Variants in MCM3AP observed in about 807,000 individuals in gnomAD.
The protein encoded by MCM3AP is minichromosome maintenance complex component 3 associated protein.
MCM3AP carries 126 observed loss-of-function variants against 184.1 expected under a neutral mutation model. That is an observed-to-expected ratio of 0.68 (90% CI 0.59 to 0.79). The LOEUF (loss-of-function observed/expected upper bound fraction) is 0.79, where lower values mean the gene tolerates loss of function less well. MCM3AP is among the 30% of genes least tolerant of loss of function. The pLI, the probability that MCM3AP is intolerant of heterozygous loss-of-function variation, is 0.00. For missense variants in MCM3AP, 2,496 were observed against 2,479.2 expected (o/e 1.01, Z -0.14); for synonymous variants, 1,002 against 979.3 (o/e 1.02, Z -0.43).
intron 16 of MCM3AP, among the ~76,000 whole-genome samples, chr21:46,258,737 A>ATGTG (rs55695472): frequency 6.7e-5 from 10 of 150,086 alleles, no homozygotes; most frequent in Admixed American, 2.0e-4. Context: ...CTTATATTGT[A>ATGTG]TGTGTGTGTG....
chr21:46,274,549 T>C (rs887205798), intron 6 of MCM3AP, among the ~76,000 whole-genome samples: 3 of 152,184 alleles, frequency 2.0e-5, no homozygotes, highest in African/African-American at 7.2e-5. Context: ...GACATAATTT[T>C]AAGTGGAAAA....
In MCM3AP at chr21:46,285,451, G is replaced by T. The variant is rs1218496328; in HGVS notation, c.-165C>A. 2 of 600,026 alleles carry T rather than the reference G, an allele frequency of 3.3e-6. No homozygotes were observed. Among genetic ancestry groups the T allele is most frequent in the South Asian group, 2.1e-5 (1 of 48,670 alleles). 37.2% of individuals were successfully genotyped at this position (600,026 alleles called of 1,614,324 possible). ...ATGTTCTGCTACAAGTCTAAGAAAAGAATTTTTGAACACTGTCATACTAAA... is the reference window on the plus strand; with the variant it reads ...ATGTTCTGCTACAAGTCTAAGAAAATAATTTTTGAACACTGTCATACTAAA... On this transcript the variant is annotated 5_prime_UTR_variant, in exon 1 of 28. Coordinates refer to ENST00000291688, the MANE Select transcript of MCM3AP (RefSeq NM_003906.5).
Position 46,245,000 on chromosome 21 carries a change from C to G in MCM3AP, c.4845G>C (p.Val1615=), listed in dbSNP as rs1225917517. ...ACACCACAGAAGCCAGGAACTGCAG[C>G]ACACTGTTAAACAGCTCAATGATGG... ...PGAIIELFNS[V]LQFLASVVSS... is the part of the protein sequence containing the mutation. Residue 1615 remains valine (V), a synonymous_variant, in exon 23 of 28, where the codon GTG becomes GTC. Transcript: ENST00000291688. 6.2e-7 allele frequency: 1 copy of G among 1,614,220 alleles called. No individual in the cohort carries two copies. The highest frequency in any genetic ancestry group is 2.2e-5 in the East Asian group (1 of 44,878).
intron 25 of MCM3AP, chr21:46,241,996 A>G (rs1034506660): frequency 6.6e-6 from 1 of 152,074 alleles, no homozygotes; most frequent in Non-Finnish European, 1.5e-5. Context: ...GTTCAGGTTT[A>G]TTGTTGTGAA....
At position 46,266,092 on chromosome 21, in the gene MCM3AP, G is replaced by A; in HGVS notation, c.2864C>T (p.Thr955Ile). ...LSKTRKSVFI[T>I]RKLTVSVGEI... ...CCCGACTGACACCGTCAGCTTCCTA[G>A]TAATAAACACCGACTTCCTGGTCTT... Residue 955 changes from threonine to isoleucine, a missense_variant, in exon 11 of 28, where the codon ACT (threonine) becomes ATT (isoleucine). By Grantham distance (89) the Thr-to-Ile change is moderately conservative. This residue lies in a region of MCM3AP where 138 missense variants were observed against 191.9 expected (regional missense o/e 0.72). Coordinates refer to ENST00000291688, the MANE Select transcript of MCM3AP (RefSeq NM_003906.5). The A allele has an allele frequency of 6.2e-7, 1 of 1,612,488 alleles. No homozygotes were observed. Among genetic ancestry groups the A allele is most frequent in the Non-Finnish European group, 8.5e-7 (1 of 1,179,354 alleles).
intron 13 of MCM3AP, 57 bp downstream of exon 13, chr21:46,264,060 G>A (rs1569069727): frequency 2.5e-6 from 3 of 1,223,500 alleles, no homozygotes; most frequent in Non-Finnish European, 1.2e-6. Flanking sequence ...ACTTCTGGAG[G>A]ACTGGGTGCA....
At chr21:46,279,589 A>G (rs937391214) in intron 4 of MCM3AP, among the ~76,000 whole-genome samples, 2 of 152,260 alleles carry the variant, frequency 1.3e-5, no homozygotes, top group African/African-American at 2.4e-5. Context: ...TGTACCAGCT[A>G]TAACAACTGT....
rs776154920 is a variant in MCM3AP at position 46,258,954 on chromosome 21, C to G, written c.3719G>C (p.Cys1240Ser). The change falls in exon 16 of 28, where the codon TGC becomes TCC. Residue 1240 changes from cysteine (C) to serine (S), a missense_variant. Coordinates refer to ENST00000291688, the MANE Select transcript of MCM3AP (RefSeq NM_003906.5). ...KETLQELQCF[C>S]KYLQRWREAV... Reference sequence around the variant, plus strand: ...CAGGACTCACCGCTGTAGATACTTGCAGAAGCACTGAAGCTCCTGGAGGGT... The same window carrying G: ...CAGGACTCACCGCTGTAGATACTTGGAGAAGCACTGAAGCTCCTGGAGGGT... 6.2e-7 allele frequency: 1 copy of G among 1,614,106 alleles called. No homozygotes were observed. Among genetic ancestry groups the G allele is most frequent in the Non-Finnish European group, 8.5e-7 (1 of 1,180,024 alleles).
intron 2 of MCM3AP, among the ~76,000 whole-genome samples, chr21:46,281,561 C>A (rs2081332705): frequency 3.3e-5 from 5 of 152,134 alleles, no homozygotes. Context: ...GTGGCTCATG[C>A]CCGTTATCCT....
chr21:46,280,881 C>T (rs1189691055), intron 2 of MCM3AP, among the ~76,000 whole-genome samples: 1 of 151,984 alleles, frequency 6.6e-6, no homozygotes, highest in East Asian at 1.9e-4. Context: ...TCTCAGCTTA[C>T]TGCAATCTCC....
At chr21:46,264,358 G>C in intron 12 of MCM3AP, 141 bp from the exon 13 acceptor site, 1 of 605,330 alleles carries the variant, frequency 1.7e-6, no homozygotes, top group Non-Finnish European at 2.9e-6. Flanking sequence ...GGCTGTTGCA[G>C]GAAAGGTGTC....
chr21:46,261,171 G>A lies in MCM3AP; in HGVS notation c.3467+109C>T, dbSNP rs1019154540. The A allele has an allele frequency of 3.6e-6, 5 of 1,405,688 alleles. No individual in the cohort carries two copies. In the African/African-American group the frequency reaches 7.0e-5, roughly 20 times the overall value. The allele number at this position is 1,405,688 out of a possible 1,614,324, so 87.1% of individuals were successfully genotyped here. A position where few individuals can be genotyped will look rare whatever the true frequency, so the allele number is the denominator to read the frequency against. Reference sequence around the variant, plus strand: ...GGAGGGCATGAGTGGGTCAGCAGGGGTGGAATGGTAGCACAGTGGACAATA... The same window carrying A: ...GGAGGGCATGAGTGGGTCAGCAGGGATGGAATGGTAGCACAGTGGACAATA... On this transcript the variant is annotated intron_variant, in intron 14 of 27. Coordinates refer to ENST00000291688, the MANE Select transcript of MCM3AP (RefSeq NM_003906.5).
In MCM3AP at chr21:46,254,861, A is replaced by G. The variant is rs2080924698; in HGVS notation, c.3933-17T>C. 1 of 1,605,482 alleles carries G rather than the reference A, an allele frequency of 6.2e-7. No individual in the cohort carries two copies. Among genetic ancestry groups the G allele is most frequent in the African/African-American group, 1.3e-5 (1 of 74,726 alleles). On this transcript the variant is annotated splice_polypyrimidine_tract_variant and intron_variant, in intron 17 of 27. Coordinates refer to ENST00000291688, the MANE Select transcript of MCM3AP (RefSeq NM_003906.5). ...CGCCTTAACCTGCAAAGGAAAGCAG[A>G]ATGACAGTGTCCCCGCAGGAGCTTA... is the stretch of plus-strand genomic sequence containing the variant.
chr21:46,264,854 A>G (rs2081089004), intron 12 of MCM3AP, among the ~76,000 whole-genome samples: 1 of 151,966 alleles, frequency 6.6e-6, no homozygotes, highest in Admixed American at 6.5e-5. Context: ...CCCAGGTCAC[A>G]CCCATCAGTG....
intron 20 of MCM3AP, chr21:46,249,665 A>G (rs1167097405): frequency 4.6e-6 from 2 of 437,062 alleles, no homozygotes; most frequent in Admixed American, 2.7e-5. Context: ...TATAACATCC[A>G]ACAAGGGGCT....
At position 46,261,335 on chromosome 21, in the gene MCM3AP, CTTCTTCAGCT is replaced by C. The variant is rs2081038539; in HGVS notation, c.3402_3411del (p.Ala1135CysfsTer20). 6.2e-7 allele frequency: 1 copy of C among 1,614,082 alleles called. No homozygotes were observed. Among genetic ancestry groups the C allele is most frequent in the African/African-American group, 1.3e-5 (1 of 74,940 alleles). ...TCCCTTCGCTCTCTTTCCTTAGACA[CTTCTTCAGCT>C]GCAATGTGCCTCAAAATGCCCGTGG... On this transcript the variant is annotated frameshift_variant, in exon 14 of 28. Transcript: ENST00000291688. LOFTEE classifies it high-confidence loss of function.
At chr21:46,262,946 C>T (rs1265720360) in intron 13 of MCM3AP, among the ~76,000 whole-genome samples, 8 of 112,906 alleles carry the variant, frequency 7.1e-5, no homozygotes, top group East Asian at 2.8e-4. Context: ...CCAGCCTGGG[C>T]GACAGGGAGA....
chr21:46,249,845 C>T lies in MCM3AP; in HGVS notation c.4290+1684G>A, dbSNP rs80120224. 43 of 225,734 alleles carry T rather than the reference C, an allele frequency of 1.9e-4. No homozygotes were observed. The East Asian group carries it at 5.6e-3, about 29-fold the overall frequency. The allele number at this position is 225,734 out of a possible 1,614,324, so 14.0% of individuals were successfully genotyped here. A position where few individuals can be genotyped will look rare whatever the true frequency, so the allele number is the denominator to read the frequency against. ...CAGAGGCTTGGGCAGTTTATTTTAC[C>T]GTCTCTGAGTAAAATAGGGATAATA... On this transcript the variant is annotated intron_variant, in intron 20 of 27. Transcript: ENST00000291688.
At chr21:46,236,695 A>T in intron 27 of MCM3AP, 134 bp downstream of exon 27, 1 of 627,384 alleles carries the variant, frequency 1.6e-6, no homozygotes, top group Non-Finnish European at 2.7e-6. Context: ...AAGTTTAAGA[A>T]AAGGTCTAAT....
Sources: allele counts gnomAD v4.1 joint callset (sites outside exome capture counted in the v4.1 genomes callset), GRCh38; gene constraint gnomAD v4.1.1; regional missense constraint gnomAD v4.1.1; transcripts MANE v1.5; gene names NCBI Gene and HGNC (gene_info 2026-07-23, HGNC 2026-07-21).